The following HYDIN variants were observed in gnomAD, a reference collection of about 807,000 sequenced individuals.
HYDIN encodes the protein axonemal central pair apparatus protein HYDIN.
A neutral mutation model predicts 403.9 loss-of-function variants in HYDIN; 132 were observed. The ratio of observed to expected loss-of-function variants is 0.33; its 90% CI spans 0.28 to 0.38. The LOEUF is 0.38. Among genes scored for constraint, HYDIN ranks in the 10% least tolerant of loss-of-function variants. The pLI, the probability that HYDIN is intolerant of heterozygous loss-of-function variation, is 1.00. For synonymous variants in HYDIN, 1,202 were observed against 1,891.7 expected, an observed-to-expected ratio of 0.64 and a Z score of 9.46; for missense variants, 2,827 against 5,009.5, an observed-to-expected ratio of 0.56 and a Z score of 13.15.
intron 45 of HYDIN, among the ~76,000 whole-genome samples, chr16:70,928,395 C>A (rs1319271587): frequency 6.6e-6 from 1 of 152,156 alleles, no homozygotes; most frequent in Non-Finnish European, 1.5e-5. Flanking sequence ...GAGATCAAGG[C>A]TGCAGTGAGT....
intron 1 of HYDIN, among the ~76,000 whole-genome samples, chr16:71,227,143 GTGTA>G (rs888919278): frequency 2.0e-5 from 3 of 149,630 alleles, no homozygotes; most frequent in African/African-American, 7.7e-5. Context: ...ATATATATAT[GTGTA>G]TGTGTGTGTG....
At chr16:71,198,303 T>C (rs1286456692) in intron 1 of HYDIN, among the ~76,000 whole-genome samples, 2 of 152,234 alleles carry the variant, frequency 1.3e-5, no homozygotes, top group Admixed American at 1.3e-4. Context: ...GGTTGTTTCC[T>C]ATTATTCTAT....
chr16:70,926,508 G>A (rs1344904299), intron 45 of HYDIN, among the ~76,000 whole-genome samples: 1 of 151,992 alleles, frequency 6.6e-6, no homozygotes, highest in East Asian at 1.9e-4. Context: ...TATACCTAAT[G>A]CTAAATGACG....
intron 35 of HYDIN, 71 bp from the exon 36 acceptor site, chr16:70,970,830 C>A: frequency 5.4e-6 from 8 of 1,487,780 alleles, no homozygotes; most frequent in Non-Finnish European, 7.3e-6. Context: ...CAAAACACTG[C>A]TGAGGGGAAA....
intron 18 of HYDIN, among the ~76,000 whole-genome samples, chr16:71,050,493 G>A (rs1421462813): frequency 5.3e-5 from 8 of 151,978 alleles, no homozygotes; most frequent in Non-Finnish European, 1.0e-4. Flanking sequence ...TTGGTAACTA[G>A]TGAGTGATAC....
chr16:70,976,571 C>T (rs2078894065), intron 30 of HYDIN, among the ~76,000 whole-genome samples: 1 of 150,236 alleles, frequency 6.7e-6, no homozygotes, highest in African/African-American at 2.4e-5. Context: ...AGCTCTGTGG[C>T]TTGTACAAAT....
intron 37 of HYDIN, among the ~76,000 whole-genome samples, chr16:70,962,939 GCCTTTCTGGGTTC>G (rs1173102027): frequency 6.6e-6 from 1 of 151,062 alleles, no homozygotes; most frequent in Non-Finnish European, 1.5e-5. Context: ...CAGGGCGTGT[GCCTTTCTGGGTTC>G]CCTCTGCACC....
At chr16:70,890,309 G>A (rs1798452) in intron 57 of HYDIN, among the ~76,000 whole-genome samples, 2 of 151,896 alleles carry the variant, frequency 1.3e-5, no homozygotes, top group Non-Finnish European at 2.9e-5. Context: ...ACCAGAACAC[G>A]TGAAGTTCAA....
intron 18 of HYDIN, among the ~76,000 whole-genome samples, chr16:71,052,380 T>C (rs2081686229): frequency 6.6e-6 from 1 of 151,772 alleles, no homozygotes; most frequent in African/African-American, 2.4e-5. Context: ...GCAATATCAA[T>C]GCATGAAAAA....
chr16:71,030,091 C>T (rs1391238110), intron 19 of HYDIN, among the ~76,000 whole-genome samples: 1 of 152,118 alleles, frequency 6.6e-6, no homozygotes, highest in Non-Finnish European at 1.5e-5. Context: ...GCTCTGTTGC[C>T]CATGGTGGAG....
intron 1 of HYDIN, among the ~76,000 whole-genome samples, chr16:71,229,750 C>T (rs2041197130): frequency 6.6e-6 from 1 of 152,162 alleles, no homozygotes; most frequent in Admixed American, 6.5e-5. Context: ...GGGGAAGGGG[C>T]ATTGACTACA....
chr16:71,066,230 G>A (rs1378903247), intron 15 of HYDIN, among the ~76,000 whole-genome samples: 2 of 152,072 alleles, frequency 1.3e-5, no homozygotes, highest in Admixed American at 6.5e-5. Flanking sequence ...GCAAATCTGG[G>A]CATAGAAAGG....
At chr16:70,842,961 A>G (rs2037930826) in intron 75 of HYDIN, among the ~76,000 whole-genome samples, 2 of 151,912 alleles carry the variant, frequency 1.3e-5, no homozygotes, top group Admixed American at 6.6e-5. Context: ...TACAATTAAC[A>G]TCTACATTTA....
intron 78 of HYDIN, among the ~76,000 whole-genome samples, chr16:70,834,872 A>G (rs189215055): frequency 0.032 from 4,784 of 147,544 alleles, 271 homozygotes; most frequent in African/African-American, 0.12. Flanking sequence ...AAACATATAT[A>G]TATGTGTGTG....
rs568664230 is a variant in HYDIN, at chr16:70,880,882, G to T, written c.10216-1126C>A. 2.6e-5 allele frequency among the ~76,000 whole-genome samples: 4 copies of T among 152,222 alleles called. No homozygotes were observed. In the East Asian group the frequency reaches 5.8e-4, roughly 22 times the overall value. Reference sequence around the variant, plus strand: ...GCCTTCAAGTCTGCAAACTAGGGTGGAGGAGAACATGTGATATCTGCAAAT... The same window carrying T: ...GCCTTCAAGTCTGCAAACTAGGGTGTAGGAGAACATGTGATATCTGCAAAT... On this transcript the variant is annotated intron_variant, in intron 60 of 85. Transcript: ENST00000393567.
At chr16:71,041,061 T>G (rs995601359) in intron 18 of HYDIN, among the ~76,000 whole-genome samples, 1 of 149,994 alleles carries the variant, frequency 6.7e-6, no homozygotes, top group Non-Finnish European at 1.5e-5. Flanking sequence ...TGTTTACCCT[T>G]TATCTCTCCC....
intron 46 of HYDIN, among the ~76,000 whole-genome samples, chr16:70,919,396 G>C (rs1327103361): frequency 6.6e-6 from 1 of 151,918 alleles, no homozygotes; most frequent in Non-Finnish European, 1.5e-5. Flanking sequence ...AGGGCGTAGA[G>C]CTGATGTTGT....
chr16:70,879,258 T>C, intron 62 of HYDIN, 39 bp downstream of exon 62: 1 of 1,266,770 alleles, frequency 7.9e-7, no homozygotes, highest in Non-Finnish European at 1.1e-6. Context: ...TTCTGGATTC[T>C]TCTCCCTTTC....
chr16:70,944,429 G>C (rs2077785501), intron 41 of HYDIN, among the ~76,000 whole-genome samples: 1 of 152,244 alleles, frequency 6.6e-6, no homozygotes, highest in South Asian at 2.1e-4. Context: ...GCTGGGGAAA[G>C]ACTATGTAGA....
Sources: allele counts gnomAD v4.1 joint callset (sites outside exome capture counted in the v4.1 genomes callset), GRCh38; gene constraint gnomAD v4.1.1; transcripts MANE v1.5; gene names NCBI Gene and HGNC (gene_info 2026-07-23, HGNC 2026-07-21).